Variants in AGBL4 observed in about 807,000 individuals in gnomAD.
AGBL4 encodes AGBL carboxypeptidase 4.
In AGBL4, 58 loss-of-function variants were observed where a neutral mutation model predicts 66.4. The ratio of observed to expected loss-of-function variants is 0.87; its 90% CI spans 0.71 to 1.09. AGBL4 has a LOEUF of 1.09. Among genes scored for constraint, AGBL4 ranks in the 50% least tolerant of loss-of-function variants. The pLI is 0.00. For synonymous variants in AGBL4, 234 were observed against 222.9 expected (o/e 1.05, Z -0.44); for missense variants, 579 against 631.0 (o/e 0.92, Z 0.88).
chr1:48,640,568 C>T (rs763917256), intron 8 of AGBL4, among the ~76,000 whole-genome samples: 1 of 152,208 alleles, frequency 6.6e-6, no homozygotes, highest in Non-Finnish European at 1.5e-5. Context: ...TATTAATCCT[C>T]ATTTGATAAA....
intron 3 of AGBL4, among the ~76,000 whole-genome samples, chr1:49,581,821 G>A (rs977195800): frequency 2.0e-5 from 3 of 152,216 alleles, no homozygotes; most frequent in Non-Finnish European, 2.9e-5. Flanking sequence ...GGGCCTCTGG[G>A]TGGCTTTCTT....
At chr1:49,410,116 G>A (rs993426627) in intron 3 of AGBL4, among the ~76,000 whole-genome samples, 19 of 152,230 alleles carry the variant, frequency 1.2e-4, no homozygotes, top group African/African-American at 4.3e-4. Context: ...GAACCCAAAT[G>A]TACTTGAACC....
chr1:49,729,418 T>C (rs1649263766), intron 2 of AGBL4, among the ~76,000 whole-genome samples: 1 of 152,086 alleles, frequency 6.6e-6, no homozygotes, highest in Admixed American at 6.6e-5. Flanking sequence ...ATATTTCCAC[T>C]GAAATATTCC....
intron 6 of AGBL4, among the ~76,000 whole-genome samples, chr1:48,855,557 G>A (rs1172288041): frequency 3.9e-5 from 6 of 152,132 alleles, no homozygotes; most frequent in South Asian, 2.1e-4. Context: ...CAATCTTTCC[G>A]GAAAATGAGT....
intron 1 of AGBL4, among the ~76,000 whole-genome samples, chr1:49,882,541 C>G (rs888786789): frequency 5.3e-5 from 8 of 151,920 alleles, no homozygotes; most frequent in African/African-American, 1.5e-4. Context: ...TCTTCCATTT[C>G]TTTGTATCCT....
chr1:48,817,044 G>T (rs1646196877), intron 6 of AGBL4, among the ~76,000 whole-genome samples: 2 of 152,196 alleles, frequency 1.3e-5, no homozygotes, highest in South Asian at 4.1e-4. Flanking sequence ...ATAGAAGTTA[G>T]TCCATTCTAG....
intron 1 of AGBL4, among the ~76,000 whole-genome samples, chr1:49,894,119 A>G (rs1389669371): frequency 1.3e-5 from 2 of 152,150 alleles, no homozygotes; most frequent in African/African-American, 2.4e-5. Context: ...ATTGAACACA[A>G]CCAAGGCAGT....
At chr1:49,284,496 T>A (rs1644358273) in intron 3 of AGBL4, among the ~76,000 whole-genome samples, 1 of 151,688 alleles carries the variant, frequency 6.6e-6, no homozygotes, top group Non-Finnish European at 1.5e-5. Flanking sequence ...AACTTCATAA[T>A]GACAGGATCA....
At chr1:49,041,483 T>C (rs2149050262) in intron 5 of AGBL4, among the ~76,000 whole-genome samples, 1 of 152,246 alleles carries the variant, frequency 6.6e-6, no homozygotes, top group East Asian at 1.9e-4. Flanking sequence ...TTGGATAAGG[T>C]AAATCCCTTT....
intron 3 of AGBL4, among the ~76,000 whole-genome samples, chr1:49,546,488 C>G (rs775949361): frequency 6.6e-6 from 1 of 151,942 alleles, no homozygotes; most frequent in Non-Finnish European, 1.5e-5. Flanking sequence ...TTGCAAATAT[C>G]TTTTTTGTAT....
intron 5 of AGBL4, among the ~76,000 whole-genome samples, chr1:48,876,938 CATT>C (rs1383120847): frequency 6.6e-6 from 1 of 152,186 alleles, no homozygotes; most frequent in Non-Finnish European, 1.5e-5. Flanking sequence ...GATTACTCTT[CATT>C]ATTAAGGAAG....
At chr1:49,746,017 T>C (rs1031259831) in intron 2 of AGBL4, among the ~76,000 whole-genome samples, 10 of 152,018 alleles carry the variant, frequency 6.6e-5, no homozygotes, top group African/African-American at 2.2e-4. Flanking sequence ...AGTTTTGAAA[T>C]AATACACCTC....
chr1:48,804,638 T>C (rs939167906), intron 6 of AGBL4, among the ~76,000 whole-genome samples: 10 of 152,060 alleles, frequency 6.6e-5, no homozygotes, highest in African/African-American at 2.2e-4. Context: ...AAGGGAGATA[T>C]CATGGTGGGC....
At chr1:49,141,279 CA>C (rs1194864909) in intron 4 of AGBL4, among the ~76,000 whole-genome samples, 1 of 151,708 alleles carries the variant, frequency 6.6e-6, no homozygotes, top group Non-Finnish European at 1.5e-5. Flanking sequence ...TTTATTTATT[CA>C]AAAAATATTT....
At chr1:49,576,610 C>T (rs971442188) in intron 3 of AGBL4, among the ~76,000 whole-genome samples, 1 of 152,180 alleles carries the variant, frequency 6.6e-6, no homozygotes, top group East Asian at 1.9e-4. Flanking sequence ...CATTCTGACT[C>T]ATCTAGCCAT....
At chr1:49,041,131 T>C (rs964643351) in intron 5 of AGBL4, among the ~76,000 whole-genome samples, 4 of 152,106 alleles carry the variant, frequency 2.6e-5, no homozygotes, top group Non-Finnish European at 5.9e-5. Context: ...TAGTGATTGA[T>C]AGTTCTAGCA....
chr1:49,651,159 G>A (rs1645996725), intron 3 of AGBL4, among the ~76,000 whole-genome samples: 1 of 152,158 alleles, frequency 6.6e-6, no homozygotes, highest in Non-Finnish European at 1.5e-5. Context: ...ACTGTGGCTG[G>A]GAGATAAAGC....
At chr1:48,578,486 C>T (rs908551049) in intron 11 of AGBL4, among the ~76,000 whole-genome samples, 2 of 152,150 alleles carry the variant, frequency 1.3e-5, no homozygotes, top group African/African-American at 4.8e-5. Context: ...AAAGCTTTGA[C>T]CTTGGGTATG....
At chr1:49,263,874 A>G (rs1411384215) in intron 3 of AGBL4, among the ~76,000 whole-genome samples, 4 of 152,190 alleles carry the variant, frequency 2.6e-5, no homozygotes, top group Admixed American at 2.6e-4. Context: ...AGGAAAACAA[A>G]AAAGTAACTA....
Sources: gnomAD v4.1 joint callset for allele counts (sites outside exome capture counted in the v4.1 genomes callset) on GRCh38, gnomAD v4.1.1 for gene constraint, MANE v1.5 for transcripts, NCBI Gene and HGNC (gene_info 2026-07-23, HGNC 2026-07-21) for gene names.